Variants in RAPGEF4 observed in about 807,000 individuals in gnomAD.
RAPGEF4 encodes the protein RAP guanine-nucleotide-exchange factor (GEF) 4.
In RAPGEF4, 66 loss-of-function variants were observed where a neutral mutation model predicts 147.9. That is an observed-to-expected ratio of 0.45 (90% CI 0.37 to 0.55). RAPGEF4 has a LOEUF of 0.55. Among genes scored for constraint, RAPGEF4 ranks in the 20% least tolerant of loss-of-function variants. RAPGEF4 has a pLI of 0.00. For missense variants in RAPGEF4, 1,071 were observed against 1,257.3 expected (o/e 0.85, Z 2.24); for synonymous variants, 419 against 442.7 (o/e 0.95, Z 0.67).
chr2:172,951,202 A>G (rs1202841956), intron 6 of RAPGEF4, among the ~76,000 whole-genome samples: 2 of 152,210 alleles, frequency 1.3e-5, no homozygotes. Flanking sequence ...TTTCTACTCA[A>G]TTGCAACTCA....
intron 6 of RAPGEF4, among the ~76,000 whole-genome samples, chr2:172,958,903 T>C (rs571351888): frequency 2.6e-5 from 4 of 152,378 alleles, no homozygotes; most frequent in South Asian, 4.1e-4. Context: ...TTGAAACTTA[T>C]TGTTAATTTA....
intron 4 of RAPGEF4, among the ~76,000 whole-genome samples, chr2:172,859,190 C>T (rs1693756318): frequency 6.6e-6 from 1 of 152,178 alleles, no homozygotes; most frequent in Non-Finnish European, 1.5e-5. Context: ...ACTTGGTATG[C>T]TTTGTTATCC....
intron 1 of RAPGEF4, among the ~76,000 whole-genome samples, chr2:172,780,087 C>T (rs1324355393): frequency 4.6e-5 from 7 of 152,026 alleles, no homozygotes; most frequent in Admixed American, 3.9e-4. Context: ...CTGAATGGTA[C>T]TCTAGGGAAG....
intron 10 of RAPGEF4, among the ~76,000 whole-genome samples, chr2:172,975,256 G>A (rs548893756): frequency 6.6e-6 from 1 of 152,284 alleles, no homozygotes; most frequent in East Asian, 1.9e-4. Context: ...GCTCTGGAAA[G>A]AGTCAATTTA....
chr2:173,002,038 A>G (rs1300709889), intron 17 of RAPGEF4, among the ~76,000 whole-genome samples: 3 of 139,870 alleles, frequency 2.1e-5, no homozygotes, highest in Non-Finnish European at 3.1e-5. Flanking sequence ...GAGGCAGGCT[A>G]GAAAGGGTTA....
At chr2:172,809,403 T>G (rs1687808120) in intron 3 of RAPGEF4, among the ~76,000 whole-genome samples, 2 of 152,082 alleles carry the variant, frequency 1.3e-5, no homozygotes, top group African/African-American at 4.8e-5. Flanking sequence ...TTGAGAAGAA[T>G]TAGGGTACCC....
intron 3 of RAPGEF4, 75 bp from the exon 4 acceptor site, chr2:172,814,204 C>T (rs1688287791): frequency 2.1e-6 from 3 of 1,453,342 alleles, no homozygotes; most frequent in Non-Finnish European, 2.9e-6. Context: ...ACAAATTATA[C>T]TGCAGTTAAA....
At chr2:172,750,974 T>C (rs1346065238) in intron 1 of RAPGEF4, among the ~76,000 whole-genome samples, 2 of 152,204 alleles carry the variant, frequency 1.3e-5, no homozygotes, top group African/African-American at 2.4e-5. Flanking sequence ...TGCTGTGCAG[T>C]CATTAGTTAT....
At chr2:172,769,419 A>G (rs1230681755) in intron 1 of RAPGEF4, among the ~76,000 whole-genome samples, 2 of 152,174 alleles carry the variant, frequency 1.3e-5, no homozygotes, top group Non-Finnish European at 2.9e-5. Flanking sequence ...AGCCTGGGAC[A>G]AAGTCTGTCT....
intron 17 of RAPGEF4, among the ~76,000 whole-genome samples, chr2:173,006,697 G>A (rs1358022225): frequency 1.3e-5 from 2 of 152,166 alleles, no homozygotes; most frequent in Non-Finnish European, 2.9e-5. Context: ...GGTTTTATAA[G>A]TGGAACATTT....
At chr2:173,048,798 C>G in intron 30 of RAPGEF4, 144 bp downstream of exon 30, 1 of 1,441,420 alleles carries the variant, frequency 6.9e-7, no homozygotes, top group South Asian at 1.6e-5. Flanking sequence ...GAGATAGGGG[C>G]CTTGAGTTTA....
rs561375858 is a variant in RAPGEF4, at chr2:173,038,002, C to T, written c.2853+1310C>T. On this transcript the variant is annotated intron_variant, in intron 29 of 30. Coordinates refer to ENST00000397081, the MANE Select transcript of RAPGEF4 (RefSeq NM_007023.4). ...TCTGCAGCATTCAGCCCGGGGAATG[C>T]GCTTATTGCAAAGCCCAGTCTGGTC... Among the ~76,000 whole-genome samples, 73 of 152,288 alleles carry T rather than the reference C, an allele frequency of 4.8e-4. 1 individual carries two copies. Among genetic ancestry groups the T allele is most frequent in the Non-Finnish European group, 7.4e-4 (50 of 68,016 alleles).
intron 4 of RAPGEF4, chr2:172,821,686 G>C (rs955734368): frequency 6.7e-6 from 7 of 1,037,806 alleles, no homozygotes; most frequent in Non-Finnish European, 8.0e-6. Context: ...GTGGCAAAAT[G>C]ATTCAAATCC....
At chr2:172,977,999 G>A (rs1172227214) in intron 10 of RAPGEF4, among the ~76,000 whole-genome samples, 1 of 152,172 alleles carries the variant, frequency 6.6e-6, no homozygotes, top group East Asian at 1.9e-4. Flanking sequence ...TTTGCAGCTT[G>A]AATGTTGTTT....
At chr2:172,963,056 T>C (rs972567470) in intron 8 of RAPGEF4, among the ~76,000 whole-genome samples, 1 of 152,072 alleles carries the variant, frequency 6.6e-6, no homozygotes, top group Non-Finnish European at 1.5e-5. Context: ...AGCAGGCACA[T>C]CATACCATGG....
intron 3 of RAPGEF4, among the ~76,000 whole-genome samples, chr2:172,807,918 CATA>C (rs1687659861): frequency 6.6e-6 from 1 of 152,200 alleles, no homozygotes; most frequent in South Asian, 2.1e-4. Flanking sequence ...GTTAAATGTG[CATA>C]ATAAGATGAT....
At chr2:172,798,798 C>A (rs553457004) in intron 3 of RAPGEF4, among the ~76,000 whole-genome samples, 1 of 152,246 alleles carries the variant, frequency 6.6e-6, no homozygotes, top group East Asian at 1.9e-4. Context: ...GTAAGGTGTG[C>A]ATTTGGAATT....
intron 4 of RAPGEF4, among the ~76,000 whole-genome samples, chr2:172,899,921 C>T (rs779524843): frequency 3.9e-5 from 6 of 152,158 alleles, no homozygotes; most frequent in African/African-American, 7.2e-5. Context: ...AGGCCAAGCA[C>T]GTGAGGTGGA....
intron 6 of RAPGEF4, among the ~76,000 whole-genome samples, chr2:172,934,295 AC>A (rs774050461): frequency 1.3e-4 from 20 of 151,578 alleles, no homozygotes; most frequent in Non-Finnish European, 2.7e-4. Flanking sequence ...GATTACAGGC[AC>A]CTACCACCAT....
Sources: gnomAD v4.1 joint callset for allele counts (sites outside exome capture counted in the v4.1 genomes callset) on GRCh38, gnomAD v4.1.1 for gene constraint, MANE v1.5 for transcripts, NCBI Gene and HGNC (gene_info 2026-07-23, HGNC 2026-07-21) for gene names.